The following NOMO1 variants were observed in gnomAD, a reference collection of about 807,000 sequenced individuals.
NOMO1 encodes the protein nodal modulator 3.
A neutral mutation model predicts 133.8 loss-of-function variants in NOMO1; 40 were observed. The observed-to-expected ratio is 0.30, with a 90% CI of 0.23 to 0.39. The LOEUF (loss-of-function observed/expected upper bound fraction) is 0.39, where lower values mean the gene tolerates loss of function less well. Among genes scored for constraint, NOMO1 ranks in the 10% least tolerant of loss-of-function variants. The pLI is 1.00. For missense variants in NOMO1, 462 were observed against 1,419.9 expected, an observed-to-expected ratio of 0.33 and a Z score of 10.84; for synonymous variants, 236 against 570.5, an observed-to-expected ratio of 0.41 and a Z score of 8.36.
intron 3 of NOMO1, among the ~76,000 whole-genome samples, chr16:14,841,652 C>T (rs1480596966): frequency 6.7e-6 from 1 of 149,162 alleles, no homozygotes; most frequent in African/African-American, 2.5e-5. Context: ...TTTCTGGAAA[C>T]TCTTCCCTTG....
At chr16:14,888,666 T>C in intron 28 of NOMO1, 1 of 292,384 alleles carries the variant, frequency 3.4e-6, no homozygotes, top group East Asian at 9.8e-5. Flanking sequence ...GATGCTGTAT[T>C]TTTAGGATTT....
Position 14,886,817 on chromosome 16 carries a change from C to T in NOMO1, c.3279C>T (p.Gly1093=), listed in dbSNP as rs753994682. ...ATCCAATCCAGACAGTTTCCCTTGG[C>T]CAGTCCCTGTTCTTCCATTTCCCCC... ...LDNPIQTVSL[G]QSLFFHFPPL... Residue 1093 remains glycine, a synonymous_variant, in exon 28 of 31, where the codon GGC becomes GGT. Transcript: ENST00000287667. 6.2e-7 allele frequency: 1 copy of T among 1,611,596 alleles called. No individual in the cohort carries two copies. Among genetic ancestry groups the T allele is most frequent in the African/African-American group, 1.3e-5 (1 of 74,696 alleles).
rs572936090 is a variant in NOMO1, at chr16:14,851,246, G to A, written c.583-1184G>A. On this transcript the variant is annotated intron_variant, in intron 6 of 30. Transcript: ENST00000287667. ...AGTAAAGCATGTTGTTAGAAGTCAG[G>A]ATAATGTTTATCCTCCTGGGGTGTT... Among the ~76,000 whole-genome samples, 83 of 151,984 alleles carry A rather than the reference G, an allele frequency of 5.5e-4. 1 individual carries two copies. In the East Asian group the frequency reaches 0.015, roughly 27 times the overall value.
chr16:14,873,351 A>G (rs1964105680), intron 18 of NOMO1, among the ~76,000 whole-genome samples: 2 of 130,176 alleles, frequency 1.5e-5, no homozygotes, highest in South Asian at 5.0e-4. Context: ...GAGGCCTGAG[A>G]GTGGGAGGTG....
At chr16:14,846,183 C>T (rs920477032) in intron 4 of NOMO1, among the ~76,000 whole-genome samples, 3 of 147,562 alleles carry the variant, frequency 2.0e-5, no homozygotes, top group South Asian at 2.2e-4. Context: ...TGTGCCATGA[C>T]GCCCAGCTAA....
rs769318513 is a variant in NOMO1, at chr16:14,878,933, A to G, written c.2757+99A>G. 2.6e-4 allele frequency: 401 copies of G among 1,529,040 alleles called. 1 individual carries two copies. The highest frequency in any genetic ancestry group is 3.5e-4 in the Non-Finnish European group (383 of 1,105,834). 94.7% of individuals were successfully genotyped at this position (1,529,040 alleles called of 1,614,324 possible). A position where few individuals can be genotyped will look rare whatever the true frequency, so the allele number is the denominator to read the frequency against. ...GTGTTGCTTGACAACGTGAGAAGAG[A>G]AAGCCAATGTGGAGTGGTTTCAGTT... On this transcript the variant is annotated intron_variant, in intron 23 of 30. Coordinates refer to ENST00000287667, the MANE Select transcript of NOMO1 (RefSeq NM_014287.4).
In NOMO1 at chr16:14,875,183, C is replaced by G; in HGVS notation, c.2202C>G (p.Thr734=). The change falls in exon 19 of 31, where the codon ACC becomes ACG. Residue 734 remains threonine, a synonymous_variant. Coordinates refer to ENST00000287667, the MANE Select transcript of NOMO1 (RefSeq NM_014287.4). ...ATGAGGAAGGCGAAGAAAGAATGACCAAGCCTCCCGTGCAGGAGATGGTAG... is the reference window on the plus strand; with the variant it reads ...ATGAGGAAGGCGAAGAAAGAATGACGAAGCCTCCCGTGCAGGAGATGGTAG... ...NGNEEGEERM[T]KPPVQEMVDE... 1 of 1,613,696 alleles carries G rather than the reference C, an allele frequency of 6.2e-7. No homozygotes were observed. Among genetic ancestry groups the G allele is most frequent in the Admixed American group, 1.7e-5 (1 of 59,990 alleles).
chr16:14,857,034 A>G (rs1963849443), intron 9 of NOMO1, among the ~76,000 whole-genome samples, 183 bp from the exon 10 acceptor site: 1 of 152,024 alleles, frequency 6.6e-6, no homozygotes, highest in South Asian at 2.1e-4. Context: ...AACACAACAG[A>G]GAAGACAGAT....
At chr16:14,883,194 T>C (rs1031700536) in intron 26 of NOMO1, among the ~76,000 whole-genome samples, 2 of 151,916 alleles carry the variant, frequency 1.3e-5, no homozygotes, top group Admixed American at 1.3e-4. Flanking sequence ...TCTTACTGAG[T>C]AACTCTCATT....
intron 16 of NOMO1, among the ~76,000 whole-genome samples, chr16:14,869,697 T>C (rs1964054346): frequency 1.3e-5 from 2 of 151,482 alleles, no homozygotes; most frequent in African/African-American, 4.9e-5. Context: ...TGACTAATGT[T>C]ACGGACATTC....
At chr16:14,885,051 A>G (rs1037752962) in intron 27 of NOMO1, among the ~76,000 whole-genome samples, 5 of 152,052 alleles carry the variant, frequency 3.3e-5, no homozygotes, top group Non-Finnish European at 5.9e-5. Context: ...AAGCTGGAGC[A>G]AAAGAGAGAG....
chr16:14,866,412 T>G, intron 14 of NOMO1, 143 bp from the exon 15 acceptor site: 1 of 1,409,198 alleles, frequency 7.1e-7, no homozygotes, highest in Non-Finnish European at 9.6e-7. Flanking sequence ...TATAAATATA[T>G]GTATGTGTAT....
At chr16:14,860,053 T>C (rs1372001634) in intron 11 of NOMO1, among the ~76,000 whole-genome samples, 2 of 151,834 alleles carry the variant, frequency 1.3e-5, no homozygotes, top group African/African-American at 4.8e-5. Context: ...TGCTCCCTAA[T>C]GCAGTGGAAA....
intron 2 of NOMO1, among the ~76,000 whole-genome samples, 174 bp downstream of exon 2, chr16:14,838,670 G>A (rs567813784): frequency 1.3e-5 from 2 of 152,010 alleles, no homozygotes; most frequent in African/African-American, 2.4e-5. Flanking sequence ...CTGCCTTGAC[G>A]AATACAGTGG....
chr16:14,860,766 G>T (rs963091969), intron 11 of NOMO1, among the ~76,000 whole-genome samples: 2 of 152,028 alleles, frequency 1.3e-5, no homozygotes, highest in African/African-American at 2.4e-5. Context: ...AGCATTTGTT[G>T]AACATTTTTG....
intron 13 of NOMO1, 146 bp downstream of exon 13, chr16:14,864,872 A>G: frequency 3.2e-6 from 4 of 1,251,754 alleles, no homozygotes; most frequent in Admixed American, 1.9e-5. Flanking sequence ...AAGTGGGTGC[A>G]TGTTAGCTTG....
intron 18 of NOMO1, among the ~76,000 whole-genome samples, chr16:14,874,293 C>A (rs1030012937): frequency 3.3e-5 from 5 of 151,958 alleles, no homozygotes; most frequent in African/African-American, 1.2e-4. Context: ...CCCCTTGGAC[C>A]TCTCTGTTGG....
intron 3 of NOMO1, among the ~76,000 whole-genome samples, chr16:14,842,100 C>G (rs1328142417): frequency 1.3e-5 from 2 of 151,984 alleles, no homozygotes; most frequent in Non-Finnish European, 2.9e-5. Flanking sequence ...TGCCTTCAAG[C>G]ATAGCTGGGG....
chr16:14,838,113 C>T (rs1229464968), intron 1 of NOMO1, among the ~76,000 whole-genome samples: 1 of 151,270 alleles, frequency 6.6e-6, no homozygotes, highest in Non-Finnish European at 1.5e-5. Context: ...TTGTTTTAGA[C>T]CCGGAAACTT....
Sources: allele counts gnomAD v4.1 joint callset (sites outside exome capture counted in the v4.1 genomes callset), GRCh38; gene constraint gnomAD v4.1.1; transcripts MANE v1.5; gene names NCBI Gene and HGNC (gene_info 2026-07-23, HGNC 2026-07-21).